The following TTLL2 variants were observed in gnomAD, a reference collection of about 807,000 sequenced individuals.
TTLL2 encodes the protein probable tubulin polyglutamylase TTLL2.
Under a neutral mutation model 7.5 loss-of-function variants are expected in TTLL2, and 10 were observed. The ratio of observed to expected loss-of-function variants is 1.33; its 90% CI spans 0.82 to 2.25. The LOEUF is 2.25. Ranked by LOEUF, TTLL2 falls within the 30% of genes most tolerant of loss-of-function variation. The pLI is 0.00. For missense variants in TTLL2, 733 were observed against 735.7 expected (o/e 1.00, Z 0.04); for synonymous variants, 284 against 280.3 (o/e 1.01, Z -0.13).
In TTLL2 at chr6:167,342,076, G is replaced by GT. The variant is rs942224933; in HGVS notation, c.*406dup. 2.3e-4 allele frequency: 36 copies of GT among 159,148 alleles called. No individual in the cohort carries two copies. Among genetic ancestry groups the GT allele is most frequent in the Admixed American group, 3.1e-4 (5 of 15,958 alleles). The allele number at this position is 159,148 out of a possible 1,614,324, so 9.9% of individuals were successfully genotyped here. A position where few individuals can be genotyped will look rare whatever the true frequency, so the allele number is the denominator to read the frequency against. On this transcript the variant is annotated 3_prime_UTR_variant, in exon 3 of 3. Transcript: ENST00000239587. Reference sequence around the variant, plus strand: ...GAAGCCAGGAGTTAACTTTCTGTGTGTTTTTTTTTAAATCAACCAGTTATT... The same window carrying GT: ...GAAGCCAGGAGTTAACTTTCTGTGTGTTTTTTTTTTAAATCAACCAGTTATT...
chr6:167,327,935 C>T (rs1583106783), intron 1 of TTLL2: 1 of 450,562 alleles, frequency 2.2e-6, no homozygotes, highest in East Asian at 7.0e-5. Context: ...CCTTTTACAG[C>T]ATCTGGTATC....
intron 1 of TTLL2, chr6:167,328,396 G>T (rs1478412989): frequency 6.9e-6 from 2 of 289,138 alleles, no homozygotes; most frequent in Non-Finnish European, 1.4e-5. Flanking sequence ...TATGGAAAAA[G>T]GGGGCTCTTC....
chr6:167,337,441 GCCTGGGGGGT>G (rs1779002306), intron 1 of TTLL2, among the ~76,000 whole-genome samples: 3 of 152,192 alleles, frequency 2.0e-5, no homozygotes, highest in Non-Finnish European at 4.4e-5. Flanking sequence ...GCACGGTGGA[GCCTGGGGGGT>G]CCAGGCCAGG....
chr6:167,328,777 A>C (rs1778879447), intron 1 of TTLL2, among the ~76,000 whole-genome samples: 1 of 152,148 alleles, frequency 6.6e-6, no homozygotes, highest in South Asian at 2.1e-4. Context: ...ATGTGGCAAC[A>C]ACTCTGTTTA....
At chr6:167,337,485 G>A (rs985162680) in intron 1 of TTLL2, among the ~76,000 whole-genome samples, 2 of 152,188 alleles carry the variant, frequency 1.3e-5, no homozygotes, top group African/African-American at 4.8e-5. Flanking sequence ...TTCCAGGGGA[G>A]GCAGGGCTCA....
chr6:167,325,315 T>C, intron 1 of TTLL2, 95 bp downstream of exon 1: 1 of 1,292,652 alleles, frequency 7.7e-7, no homozygotes, highest in Non-Finnish European at 1.0e-6. Flanking sequence ...GGGGCCAGGG[T>C]CACTAGGAGC....
chr6:167,331,363 G>A (rs1778918400), intron 1 of TTLL2, among the ~76,000 whole-genome samples: 1 of 152,104 alleles, frequency 6.6e-6, no homozygotes, highest in South Asian at 2.1e-4. Context: ...TTCCTCCTGT[G>A]TGGATGTGAC....
Position 167,329,791 on chromosome 6 carries a change from T to G in TTLL2, c.47+4571T>G, listed in dbSNP as rs190627439. Among the ~76,000 whole-genome samples, 66 of 152,318 alleles carry G rather than the reference T, an allele frequency of 4.3e-4. 1 individual carries two copies. Among genetic ancestry groups the G allele is most frequent in the African/African-American group, 1.6e-3 (66 of 41,562 alleles). ...TGTGGTTTTATGTGTTATTTGTATC[T>G]TTCGTGAATTTTATTATGCTAGCAG... On this transcript the variant is annotated intron_variant, in intron 1 of 2. Coordinates refer to ENST00000239587, the MANE Select transcript of TTLL2 (RefSeq NM_031949.5).
At chr6:167,327,420 GC>G (rs1326444923) in intron 1 of TTLL2, among the ~76,000 whole-genome samples, 2 of 152,192 alleles carry the variant, frequency 1.3e-5, no homozygotes, top group East Asian at 3.8e-4. Flanking sequence ...CATCTTTGCA[GC>G]CATCTTCTTT....
In TTLL2 at chr6:167,341,155, G is replaced by A. The variant is rs1779086451; in HGVS notation, c.1255G>A (p.Gly419Ser). Residue 419 changes from glycine (G) to serine (S), a missense_variant, in exon 3 of 3, where the codon GGT becomes AGT. Physicochemically the swap from Gly to Ser is moderately conservative, Grantham distance 56. Coordinates refer to ENST00000239587, the MANE Select transcript of TTLL2 (RefSeq NM_031949.5). ...TATTATTGACCTGATTTACTTAAATGGTCTAAGAAATGAGGGGAGAGAAGC... is the reference window on the plus strand; with the variant it reads ...TATTATTGACCTGATTTACTTAAATAGTCTAAGAAATGAGGGGAGAGAAGC... ...HDIIDLIYLN[G>S]LRNEGREASN... is the part of the protein sequence containing the mutation. The A allele has an allele frequency of 6.2e-7, 1 of 1,613,738 alleles. No individual in the cohort carries two copies. The highest frequency in any genetic ancestry group is 1.3e-5 in the African/African-American group (1 of 74,760).
intron 2 of TTLL2, 108 bp from the exon 3 acceptor site, chr6:167,339,997 T>G (rs1583113248): frequency 8.2e-7 from 1 of 1,226,534 alleles, no homozygotes; most frequent in African/African-American, 1.5e-5. Flanking sequence ...AGTGGGAGGG[T>G]GGACACACAG....
At position 167,340,374 on chromosome 6, in the gene TTLL2, T is replaced by A. The variant is rs1779063215; in HGVS notation, c.474T>A (p.Cys158Ter). ...CCACCAAGCTTACCAGGAAAGACTG[T>A]TTGGCCAAACACCTGAAGCACATGA... ...PGTTKLTRKD[C>*]LAKHLKHMRR... The change falls in exon 3 of 3, where the codon TGT (cysteine) becomes TGA (stop). Residue 158 changes from cysteine (C) to a stop codon, truncating the protein, a stop_gained. Transcript: ENST00000239587. LOFTEE classifies it low-confidence loss of function (END_TRUNC). 1 of 1,613,424 alleles carries A rather than the reference T, an allele frequency of 6.2e-7. No homozygotes were observed. Among genetic ancestry groups the A allele is most frequent in the Non-Finnish European group, 8.5e-7 (1 of 1,179,968 alleles).
At chr6:167,330,505 G>A (rs967164916) in intron 1 of TTLL2, among the ~76,000 whole-genome samples, 1 of 151,958 alleles carries the variant, frequency 6.6e-6, no homozygotes, top group Non-Finnish European at 1.5e-5. Context: ...AGGTTGCAGT[G>A]AGCCAAGTGT....
At chr6:167,328,622 G>C (rs1778876684) in intron 1 of TTLL2, among the ~76,000 whole-genome samples, 1 of 152,184 alleles carries the variant, frequency 6.6e-6, no homozygotes, top group Non-Finnish European at 1.5e-5. Flanking sequence ...TTAAATGGTG[G>C]CTTAGTACTG....
Position 167,340,557 on chromosome 6 carries a change from G to C in TTLL2, c.657G>C (p.Gly219=). 1 of 1,614,188 alleles carries C rather than the reference G, an allele frequency of 6.2e-7. No homozygotes were observed. The highest frequency in any genetic ancestry group is 8.5e-7 in the Non-Finnish European group (1 of 1,180,038). The change falls in exon 3 of 3, where the codon GGG becomes GGC. Residue 219 remains glycine (G), a synonymous_variant. Coordinates refer to ENST00000239587, the MANE Select transcript of TTLL2 (RefSeq NM_031949.5). ...GCAAGCCTGCTGAGTTATCTCGTGGGAGGGGGATACTAATTTTCAGTGACT... is the reference window on the plus strand; with the variant it reads ...GCAAGCCTGCTGAGTTATCTCGTGGCAGGGGGATACTAATTTTCAGTGACT... ...WICKPAELSR[G]RGILIFSDFK...
At chr6:167,336,762 C>G (rs913829064) in intron 1 of TTLL2, among the ~76,000 whole-genome samples, 1 of 152,224 alleles carries the variant, frequency 6.6e-6, no homozygotes, top group African/African-American at 2.4e-5. Flanking sequence ...TCCAAACAGG[C>G]AGTCTCTACC....
At chr6:167,338,894 C>T (rs1779032072) in intron 2 of TTLL2, 91 bp downstream of exon 2, 1 of 1,288,062 alleles carries the variant, frequency 7.8e-7, no homozygotes. Flanking sequence ...TCCCCTCCCT[C>T]CCCTCTTCCT....
At chr6:167,331,650 C>T (rs1019728559) in intron 1 of TTLL2, among the ~76,000 whole-genome samples, 5 of 152,120 alleles carry the variant, frequency 3.3e-5, no homozygotes, top group African/African-American at 1.2e-4. Context: ...AGAAGGGCTC[C>T]GTACTTTTAT....
intron 1 of TTLL2, among the ~76,000 whole-genome samples, chr6:167,332,447 C>A: frequency 6.6e-6 from 1 of 152,188 alleles, no homozygotes; most frequent in South Asian, 2.1e-4. Flanking sequence ...TTAATATGAA[C>A]TTTAAAGTAG....
Sources: gnomAD v4.1 joint callset for allele counts (sites outside exome capture counted in the v4.1 genomes callset) on GRCh38, gnomAD v4.1.1 for gene constraint, MANE v1.5 for transcripts, NCBI Gene and HGNC (gene_info 2026-07-23, HGNC 2026-07-21) for gene names.